The following ZMIZ1 variants were observed in gnomAD, a reference collection of about 807,000 sequenced individuals.
The protein encoded by ZMIZ1 is zinc finger MIZ domain-containing protein 1.
A neutral mutation model predicts 113.9 loss-of-function variants in ZMIZ1; 17 were observed. The observed-to-expected ratio is 0.15, with a 90% CI of 0.10 to 0.22. The LOEUF (loss-of-function observed/expected upper bound fraction) is 0.22. Ranked by LOEUF, ZMIZ1 falls within the 10% of genes least tolerant of loss-of-function variation. The probability of loss-of-function intolerance (pLI) is 1.00; values close to 1 mark genes in which losing one functional copy is unlikely to be tolerated. For synonymous variants in ZMIZ1, 607 were observed against 603.1 expected, an observed-to-expected ratio of 1.01 and a Z score of -0.09; for missense variants, 1,059 against 1,477.8, an observed-to-expected ratio of 0.72 and a Z score of 4.65.
intron 1 of ZMIZ1, among the ~76,000 whole-genome samples, chr10:79,071,423 G>A (rs978379276): frequency 6.6e-6 from 1 of 152,240 alleles, no homozygotes; most frequent in African/African-American, 2.4e-5. Context: ...AAAGAGGCAG[G>A]CGCCGGGGCT....
chr10:79,142,144 CG>C (rs1410997728), intron 3 of ZMIZ1, among the ~76,000 whole-genome samples: 1 of 151,994 alleles, frequency 6.6e-6, no homozygotes, highest in Non-Finnish European at 1.5e-5. Context: ...GGACAATGGC[CG>C]GGGAGGGCTG....
intron 1 of ZMIZ1, among the ~76,000 whole-genome samples, chr10:79,073,490 G>A (rs570561335): frequency 2.0e-5 from 3 of 152,320 alleles, no homozygotes; most frequent in South Asian, 4.1e-4. Context: ...GTGGGCAGTT[G>A]TGAGTGTTAA....
chr10:79,102,815 G>T (rs986284379), intron 1 of ZMIZ1, among the ~76,000 whole-genome samples: 1 of 152,220 alleles, frequency 6.6e-6, no homozygotes, highest in South Asian at 2.1e-4. Context: ...GGGAGTTGAG[G>T]GGGTGATGGT....
At position 79,313,056 on chromosome 10, in the gene ZMIZ1, G is replaced by A. The variant is rs184926034; in HGVS notation, c.*307G>A. On this transcript the variant is annotated 3_prime_UTR_variant, in exon 25 of 25. Coordinates refer to ENST00000334512, the MANE Select transcript of ZMIZ1 (RefSeq NM_020338.4). ...GAACCAGCCCGGTAAGAGGGCACAC[G>A]CTGATGCGGCTTCCCGGTCCCTCCG... 309 of 395,564 alleles carry A rather than the reference G, an allele frequency of 7.8e-4. No individual in the cohort carries two copies. The East Asian group carries it at 0.012, about 15-fold the overall frequency. The allele number at this position is 395,564 out of a possible 1,614,324, so 24.5% of individuals were successfully genotyped here.
intron 7 of ZMIZ1, among the ~76,000 whole-genome samples, chr10:79,245,305 A>G (rs868036700): frequency 6.6e-6 from 1 of 152,172 alleles, no homozygotes; most frequent in African/African-American, 2.4e-5. Context: ...GCCCGAGATC[A>G]TCCAGTTGGG....
intron 7 of ZMIZ1, among the ~76,000 whole-genome samples, chr10:79,249,013 A>G (rs1205176108): frequency 2.0e-5 from 3 of 152,196 alleles, no homozygotes; most frequent in Non-Finnish European, 2.9e-5. Flanking sequence ...TCTGATGGGC[A>G]GCTTCACTGT....
intron 4 of ZMIZ1, among the ~76,000 whole-genome samples, chr10:79,199,278 C>G (rs12355183): frequency 0.12 from 18,003 of 152,096 alleles, 1,349 homozygotes; most frequent in South Asian, 0.17. Flanking sequence ...GAGGCCGAGG[C>G]AGGGGAATCA....
At chr10:79,071,167 CGGGTGCAGAGCCGCTCCGAGCT>C (rs992282128) in intron 1 of ZMIZ1, among the ~76,000 whole-genome samples, 29 of 152,216 alleles carry the variant, frequency 1.9e-4, no homozygotes, top group Non-Finnish European at 4.4e-5. Flanking sequence ...GGCTCCGCGC[CGGGTGCAGAGCCGCTCCGAGCT>C]GCCTCCTGGT....
At chr10:79,245,160 A>C (rs1850117586) in intron 7 of ZMIZ1, among the ~76,000 whole-genome samples, 1 of 152,164 alleles carries the variant, frequency 6.6e-6, no homozygotes, top group Non-Finnish European at 1.5e-5. Flanking sequence ...CTCGCTACAT[A>C]AGGCTGCCTC....
rs140351598 is a variant in ZMIZ1, at chr10:79,297,642, G to C, written c.1443G>C (p.Thr481=). 1.2e-6 allele frequency: 2 copies of C among 1,613,998 alleles called. No individual in the cohort carries two copies. The highest frequency in any genetic ancestry group is 2.7e-5 in the African/African-American group (2 of 74,918). The change falls in exon 14 of 25, where the codon ACG becomes ACC. Residue 481 remains threonine (T), a synonymous_variant. Transcript: ENST00000334512. ...KPEQFNGQNN[T]FSGSSYSNYS... is the part of the protein sequence containing the mutation. ...AACAGTTTAATGGACAAAATAACAC[G>C]TTCTCGGGAAGCAGCTACAGTAACT... is the stretch of plus-strand genomic sequence containing the variant.
chr10:79,227,564 A>C (rs1849242961), intron 7 of ZMIZ1, among the ~76,000 whole-genome samples: 1 of 152,184 alleles, frequency 6.6e-6, no homozygotes, highest in Non-Finnish European at 1.5e-5. Context: ...TGCCTACATC[A>C]TAGGTTTTAA....
intron 7 of ZMIZ1, among the ~76,000 whole-genome samples, chr10:79,220,546 C>T (rs1336257540): frequency 6.6e-6 from 1 of 152,206 alleles, no homozygotes; most frequent in Non-Finnish European, 1.5e-5. Flanking sequence ...CCAGTCTGGG[C>T]CACCTGTCCG....
chr10:79,096,768 T>C (rs1022512316), intron 1 of ZMIZ1, among the ~76,000 whole-genome samples: 13 of 152,006 alleles, frequency 8.6e-5, no homozygotes, highest in Non-Finnish European at 1.5e-4. Context: ...ACAGATAAGA[T>C]CCCTGTCTGC....
chr10:79,296,547 C>A lies in ZMIZ1; in HGVS notation c.1307C>A (p.Pro436His), dbSNP rs980226971. 6.2e-7 allele frequency: 1 copy of A among 1,613,604 alleles called. No homozygotes were observed. The highest frequency in any genetic ancestry group is 8.5e-7 in the Non-Finnish European group (1 of 1,179,676). The change falls in exon 13 of 25, where the codon CCC becomes CAC. Residue 436 changes from proline (P) to histidine (H), a missense_variant. Coordinates refer to ENST00000334512, the MANE Select transcript of ZMIZ1 (RefSeq NM_020338.4). This position sits in a 1 kb window ranked among gnomAD's most constrained non-coding sequence, Gnocchi z 4.1. ...CCAGGCCAGTACCCAGCCCCCAACC[C>A]CCCGAGGCCACTCACCTCCCCCAAC... ...TQPGQYPAPNPPRPLTSPNYP... is the reference protein window; with the variant it reads ...TQPGQYPAPNHPRPLTSPNYP...
chr10:79,178,741 C>T (rs530392191), intron 4 of ZMIZ1, among the ~76,000 whole-genome samples: 46 of 152,340 alleles, frequency 3.0e-4, no homozygotes, highest in Admixed American at 7.2e-4. Context: ...TCAGCCCAGC[C>T]GGAGAGAGGG....
chr10:79,269,390 C>CT (rs1851797547), intron 7 of ZMIZ1, among the ~76,000 whole-genome samples: 1 of 151,876 alleles, frequency 6.6e-6, no homozygotes, highest in Non-Finnish European at 1.5e-5. Context: ...CTGGGCCCCT[C>CT]TGAGTGCTGC....
At chr10:79,262,181 C>CT (rs1189120701) in intron 7 of ZMIZ1, among the ~76,000 whole-genome samples, 1 of 152,246 alleles carries the variant, frequency 6.6e-6, no homozygotes, top group Non-Finnish European at 1.5e-5. Context: ...AGGCACTGAG[C>CT]TCATCCCTTG....
In ZMIZ1 at chr10:79,177,370, G is replaced by C. The variant is rs551197594; in HGVS notation, c.-50+15237G>C. Among the ~76,000 whole-genome samples the C allele has an allele frequency of 7.2e-5, 11 of 152,308 alleles. No individual in the cohort carries two copies. The East Asian group carries it at 1.9e-3, about 27-fold the overall frequency. The stretch of plus-strand genomic sequence containing the variant: ...CGGCCCTGTCTTTGGAGGCACCTCA[G>C]CTGCCCCTCTGCCCCAGACAGCACC... On this transcript the variant is annotated intron_variant, in intron 4 of 24. Coordinates refer to ENST00000334512, the MANE Select transcript of ZMIZ1 (RefSeq NM_020338.4).
Position 79,296,455 on chromosome 10 carries a change from T to C in ZMIZ1, c.1231-16T>C, listed in dbSNP as rs1853896189. 6.2e-7 allele frequency: 1 copy of C among 1,613,578 alleles called. No homozygotes were observed. Among genetic ancestry groups the C allele is most frequent in the Non-Finnish European group, 8.5e-7 (1 of 1,179,720 alleles). On this transcript the variant is annotated splice_polypyrimidine_tract_variant and intron_variant, in intron 12 of 24. Coordinates refer to ENST00000334512, the MANE Select transcript of ZMIZ1 (RefSeq NM_020338.4). The surrounding 1 kb of genome is among the most constrained non-coding windows in gnomAD (Gnocchi z 4.1). ...ACATTGAACGTGTTTCCCCTCTCCTTTCTCTCCCACCACAGCCCAACTATG... is the reference window on the plus strand; with the variant it reads ...ACATTGAACGTGTTTCCCCTCTCCTCTCTCTCCCACCACAGCCCAACTATG...
Sources: gnomAD v4.1 joint callset for allele counts (sites outside exome capture counted in the v4.1 genomes callset) on GRCh38, gnomAD v4.1.1 for gene constraint, Gnocchi (gnomAD v3.1) non-coding constraint, MANE v1.5 for transcripts, NCBI Gene and HGNC (gene_info 2026-07-23, HGNC 2026-07-21) for gene names.